The following RELN variants were observed in gnomAD, a reference collection of about 807,000 sequenced individuals.
RELN encodes reelin.
Under a neutral mutation model 427.6 loss-of-function variants are expected in RELN, and 108 were observed. The observed-to-expected ratio is 0.25, with a 90% CI of 0.22 to 0.30. RELN has a LOEUF of 0.30. Ranked by LOEUF, RELN falls within the 10% of genes least tolerant of loss-of-function variation. RELN has a pLI of 1.00. For synonymous variants in RELN, 1,524 were observed against 1,513.4 expected (o/e 1.01, Z -0.16); for missense variants, 3,715 against 4,302.8 (o/e 0.86, Z 3.82).
At chr7:103,642,897 G>A (rs957837787) in intron 16 of RELN, among the ~76,000 whole-genome samples, 8 of 152,148 alleles carry the variant, frequency 5.3e-5, no homozygotes, top group East Asian at 3.9e-4. Context: ...AAAATGCTAC[G>A]CAAAATGTTC....
chr7:103,936,896 C>T (rs1238669935), intron 1 of RELN, among the ~76,000 whole-genome samples: 3 of 152,144 alleles, frequency 2.0e-5, no homozygotes, highest in Non-Finnish European at 4.4e-5. Flanking sequence ...TATCCATTAA[C>T]CAATTAATGT....
chr7:103,697,936 C>A lies in RELN; in HGVS notation c.1060G>T (p.Ala354Ser), dbSNP rs1011011137. The A allele has an allele frequency of 1.9e-6, 3 of 1,613,668 alleles. No homozygotes were observed. The highest frequency in any genetic ancestry group is 2.5e-6 in the Non-Finnish European group (3 of 1,179,854). The change falls in exon 10 of 65, where the codon GCT becomes TCT. Residue 354 changes from alanine to serine, a missense_variant. Coordinates refer to ENST00000428762, the MANE Select transcript of RELN (RefSeq NM_005045.4). ...ALDNILIINS[A>S]HRQVVLEDSL... ...TCTTCTAAAACGACTTGTCTGTGAG[C>A]TGAATTGATGATCAAGATGTTATCT...
rs368701069 is a variant in RELN, at chr7:103,978,058, A to G, written c.226+11073T>C. Among the ~76,000 whole-genome samples, 7 of 152,152 alleles carry G rather than the reference A, an allele frequency of 4.6e-5. No individual in the cohort carries two copies. In the East Asian group the frequency reaches 1.2e-3, roughly 25 times the overall value. ...TTCTTTTTACCCAATGAAAACATCT[A>G]TTTATCTTAAATTAATCAAAGAAAT... On this transcript the variant is annotated intron_variant, in intron 1 of 64. Coordinates refer to ENST00000428762, the MANE Select transcript of RELN (RefSeq NM_005045.4).
intron 2 of RELN, among the ~76,000 whole-genome samples, chr7:103,872,296 A>C (rs201066417): frequency 0.053 from 6,490 of 122,040 alleles, 263 homozygotes; most frequent in Non-Finnish European, 0.079. Flanking sequence ...TCCCACCTAT[A>C]AGTGAGAATA....
At chr7:103,607,227 T>G (rs1351040210) in intron 22 of RELN, among the ~76,000 whole-genome samples, 1 of 152,110 alleles carries the variant, frequency 6.6e-6, no homozygotes, top group Non-Finnish European at 1.5e-5. Flanking sequence ...ACATGTACCC[T>G]AAAACTTAAA....
chr7:103,939,893 T>C (rs1213640906), intron 1 of RELN, among the ~76,000 whole-genome samples: 1 of 152,184 alleles, frequency 6.6e-6, no homozygotes, highest in Non-Finnish European at 1.5e-5. Context: ...CCAAATTCTA[T>C]GTAATGGTAG....
rs137965786 is a variant in RELN, at chr7:103,574,251, A to G, written c.4352T>C (p.Phe1451Ser). ...GCTGAGCTTCCCCTCAAACCTATCG[A>G]ACATCTCATTGTGATTGGGGACATT... is the stretch of plus-strand genomic sequence containing the variant. ...VSNVPNHNEM[F>S]DRFEGKLSPL... The change falls in exon 30 of 65, where the codon TTC (phenylalanine) becomes TCC (serine). Residue 1451 changes from phenylalanine (F) to serine (S), a missense_variant. By Grantham distance (155) the Phe-to-Ser change is radical. This residue lies in a region of RELN where 2,208 missense variants were observed against 2,361.7 expected (regional missense o/e 0.93). Coordinates refer to ENST00000428762, the MANE Select transcript of RELN (RefSeq NM_005045.4). 3.8e-5 allele frequency: 61 copies of G among 1,614,062 alleles called. No homozygotes were observed. Among genetic ancestry groups the G allele is most frequent in the Non-Finnish European group, 5.2e-5 (61 of 1,180,032 alleles).
At position 103,718,054 on chromosome 7, in the gene RELN, A is replaced by C. The variant is rs115835146; in HGVS notation, c.805+5086T>G. ...ACATTTTATCCTTTACATCTATTAA[A>C]GAAAAAATAATACCAGATCTCTTTT... is the stretch of plus-strand genomic sequence containing the variant. On this transcript the variant is annotated intron_variant, in intron 8 of 64. Transcript: ENST00000428762. 9.7e-3 allele frequency among the ~76,000 whole-genome samples: 1,471 copies of C among 152,304 alleles called. 27 individuals carry two copies. Among genetic ancestry groups the C allele is most frequent in the African/African-American group, 0.033 (1,388 of 41,580 alleles).
At chr7:103,982,948 A>G (rs1171358392) in intron 1 of RELN, among the ~76,000 whole-genome samples, 1 of 152,216 alleles carries the variant, frequency 6.6e-6, no homozygotes, top group Non-Finnish European at 1.5e-5. Context: ...AGCATATGCC[A>G]CTGTGCCTAG....
chr7:103,848,510 G>C (rs1488650005), intron 2 of RELN, among the ~76,000 whole-genome samples: 1 of 152,138 alleles, frequency 6.6e-6, no homozygotes, highest in African/African-American at 2.4e-5. Context: ...CGAATCAACA[G>C]AACTTTCACC....
At chr7:103,972,082 T>G (rs1439476650) in intron 1 of RELN, among the ~76,000 whole-genome samples, 1 of 151,934 alleles carries the variant, frequency 6.6e-6, no homozygotes, top group Non-Finnish European at 1.5e-5. Context: ...CAAAAATAAG[T>G]AAATAGATAA....
chr7:103,480,573 C>G (rs1020506866), intron 63 of RELN, among the ~76,000 whole-genome samples: 1 of 152,092 alleles, frequency 6.6e-6, no homozygotes, highest in Non-Finnish European at 1.5e-5. Context: ...AATATAACAT[C>G]TTAGTATTAT....
intron 6 of RELN, among the ~76,000 whole-genome samples, chr7:103,731,205 C>T (rs865969344): frequency 2.6e-4 from 40 of 152,010 alleles, no homozygotes; most frequent in African/African-American, 8.2e-4. Flanking sequence ...GAGATGGTCC[C>T]GGAACTGGTC....
rs1002969616 is a variant in RELN, at chr7:103,833,477, C to T, written c.473+60G>A. 3.0e-5 allele frequency: 43 copies of T among 1,414,736 alleles called. 1 individual carries two copies. The highest frequency in any genetic ancestry group is 1.1e-4 in the South Asian group (10 of 87,076). The allele number at this position is 1,414,736 out of a possible 1,614,324, so 87.6% of individuals were successfully genotyped here. A position where few individuals can be genotyped will look rare whatever the true frequency, so the allele number is the denominator to read the frequency against. ...CTTAAATAGTTACTCTATATGTAATCCCATGAGAAGTCCTAAGTATTTGCC... is the reference window on the plus strand; with the variant it reads ...CTTAAATAGTTACTCTATATGTAATTCCATGAGAAGTCCTAAGTATTTGCC... On this transcript the variant is annotated intron_variant, in intron 3 of 64. Transcript: ENST00000428762.
chr7:103,795,584 AT>A (rs1190670266), intron 3 of RELN, among the ~76,000 whole-genome samples: 1 of 152,152 alleles, frequency 6.6e-6, no homozygotes, highest in Non-Finnish European at 1.5e-5. Flanking sequence ...TTATGAGTTT[AT>A]TTTTCCCTTT....
At chr7:103,564,225 T>A (rs2299338) in intron 34 of RELN, among the ~76,000 whole-genome samples, 10,449 of 152,350 alleles carry the variant, frequency 0.069, 459 homozygotes, top group Middle Eastern at 0.15. Context: ...TACTAAAATG[T>A]TTTGGCTTCC....
At chr7:103,527,696 G>A (rs1829853199) in intron 46 of RELN, among the ~76,000 whole-genome samples, 1 of 152,200 alleles carries the variant, frequency 6.6e-6, no homozygotes, top group African/African-American at 2.4e-5. Context: ...TGCAAGCCAA[G>A]ACCCTTCCTT....
chr7:103,863,135 C>G (rs760402520), intron 2 of RELN, among the ~76,000 whole-genome samples: 1 of 152,048 alleles, frequency 6.6e-6, no homozygotes, highest in Non-Finnish European at 1.5e-5. Context: ...ATGTGCGCCA[C>G]CAGCAATGAT....
chr7:103,681,592 AAC>A (rs1036013909), intron 11 of RELN, among the ~76,000 whole-genome samples: 2 of 152,124 alleles, frequency 1.3e-5, no homozygotes, highest in African/African-American at 4.8e-5. Flanking sequence ...ACAGCAAGAA[AAC>A]ACTACCATCA....
Sources: allele counts gnomAD v4.1 joint callset (sites outside exome capture counted in the v4.1 genomes callset), GRCh38; gene constraint gnomAD v4.1.1; regional missense constraint gnomAD v4.1.1; transcripts MANE v1.5; gene names NCBI Gene and HGNC (gene_info 2026-07-23, HGNC 2026-07-21).